The following DNAJC6 variants were observed in gnomAD, a reference collection of about 807,000 sequenced individuals.
DNAJC6 encodes the protein auxilin.
In DNAJC6, 34 loss-of-function variants were observed where a neutral mutation model predicts 110.0. The observed-to-expected ratio is 0.31, with a 90% CI of 0.24 to 0.41. The LOEUF is 0.41. DNAJC6 is among the 10% of genes least tolerant of loss of function. The pLI is 1.00. For missense variants in DNAJC6, 1,031 were observed against 1,207.8 expected (o/e 0.85, Z 2.17); for synonymous variants, 406 against 437.2 (o/e 0.93, Z 0.89).
chr1:65,338,027 C>T (rs1254471194), intron 1 of DNAJC6, among the ~76,000 whole-genome samples: 1 of 151,994 alleles, frequency 6.6e-6, no homozygotes, highest in Non-Finnish European at 1.5e-5. Context: ...TGTTTTCTGC[C>T]CCAATCTTAG....
chr1:65,271,883 A>G (rs1426383946), intron 1 of DNAJC6, among the ~76,000 whole-genome samples: 1 of 152,096 alleles, frequency 6.6e-6, no homozygotes, highest in Non-Finnish European at 1.5e-5. Context: ...AAAAAAAAAA[A>G]AAGAAAGAAA....
chr1:65,279,074 G>GA (rs1653763421), intron 1 of DNAJC6: 1 of 985,248 alleles, frequency 1.0e-6, no homozygotes, highest in Admixed American at 6.2e-5. Flanking sequence ...CATATGCTGA[G>GA]AAAAAGGGAA....
At position 65,309,888 on chromosome 1, in the gene DNAJC6, G is replaced by C. The variant is rs911273317; in HGVS notation, c.143G>C (p.Arg48Pro). 27 of 1,544,184 alleles carry C rather than the reference G, an allele frequency of 1.7e-5. No individual in the cohort carries two copies. The highest frequency in any genetic ancestry group is 2.2e-5 in the Non-Finnish European group (25 of 1,143,838). ...KQRVNAGAAA[R>P]SPARQPPDRA... Reference sequence around the variant, plus strand: ...AGAGTGAACGCCGGGGCAGCGGCGCGGAGTCCCGCCCGACAGCCTCCGGAC... The same window carrying C: ...AGAGTGAACGCCGGGGCAGCGGCGCCGAGTCCCGCCCGACAGCCTCCGGAC... Residue 48 changes from arginine to proline, a missense_variant, in exon 1 of 19, where the codon CGG becomes CCG. Physicochemically the swap from Arg to Pro is moderately radical, Grantham distance 103. Coordinates refer to ENST00000371069, the MANE Select transcript of DNAJC6 (RefSeq NM_001256864.2).
intron 7 of DNAJC6, 124 bp downstream of exon 7, chr1:65,386,030 A>G (rs1645868813): frequency 4.0e-6 from 4 of 1,011,620 alleles, no homozygotes; most frequent in African/African-American, 3.2e-5. Context: ...TATATAAAAA[A>G]TGTTCAACAT....
chr1:65,399,128 G>C (rs528728233), intron 14 of DNAJC6, among the ~76,000 whole-genome samples: 2 of 152,210 alleles, frequency 1.3e-5, no homozygotes, highest in South Asian at 4.1e-4. Context: ...AATAGAATCA[G>C]ACGGATATAA....
intron 1 of DNAJC6, among the ~76,000 whole-genome samples, chr1:65,355,093 C>T (rs1012256012): frequency 2.0e-5 from 3 of 151,740 alleles, no homozygotes; most frequent in African/African-American, 4.8e-5. Flanking sequence ...GGCGAAACCC[C>T]GTTGCTGCAG....
intron 17 of DNAJC6, among the ~76,000 whole-genome samples, chr1:65,409,987 C>T (rs959916129): frequency 1.3e-5 from 2 of 151,924 alleles, no homozygotes; most frequent in Admixed American, 6.6e-5. Context: ...TATGGACAGG[C>T]GGATGCGGAT....
At chr1:65,330,715 T>C (rs1334256468) in intron 1 of DNAJC6, among the ~76,000 whole-genome samples, 1 of 152,136 alleles carries the variant, frequency 6.6e-6, no homozygotes, top group Non-Finnish European at 1.5e-5. Context: ...GATCCGCCAG[T>C]CTCGGCCTCC....
At chr1:65,379,997 A>G (rs1014790546) in intron 5 of DNAJC6, among the ~76,000 whole-genome samples, 2 of 152,188 alleles carry the variant, frequency 1.3e-5, no homozygotes, top group African/African-American at 4.8e-5. Flanking sequence ...TTTTCTGACC[A>G]TTGACTTCCT....
chr1:65,337,508 A>G (rs551525671), intron 1 of DNAJC6, among the ~76,000 whole-genome samples: 1 of 151,924 alleles, frequency 6.6e-6, no homozygotes, highest in South Asian at 2.1e-4. Context: ...TTTTCTCTTC[A>G]TTTTATTATT....
At chr1:65,398,997 T>G in intron 14 of DNAJC6, 116 bp downstream of exon 14, 1 of 1,050,620 alleles carries the variant, frequency 9.5e-7, no homozygotes, top group Non-Finnish European at 1.4e-6. Flanking sequence ...TTGTGTCACT[T>G]TTTCCTAAAG....
intron 17 of DNAJC6, among the ~76,000 whole-genome samples, chr1:65,410,493 A>G (rs1345684765): frequency 1.3e-5 from 2 of 152,176 alleles, no homozygotes; most frequent in African/African-American, 2.4e-5. Flanking sequence ...CATTTAAACC[A>G]TGTTTGATTA....
rs1046860683 is a variant in DNAJC6 at position 65,309,935 on chromosome 1, T to G, written c.190T>G (p.Ser64Ala). The G allele has an allele frequency of 1.4e-6, 2 of 1,474,150 alleles. No homozygotes were observed. The highest frequency in any genetic ancestry group is 2.9e-5 in the African/African-American group (2 of 68,086). The allele number at this position is 1,474,150 out of a possible 1,614,324, so 91.3% of individuals were successfully genotyped here. Residue 64 changes from serine to alanine, a missense_variant, in exon 1 of 19, where the codon TCA becomes GCA. Transcript: ENST00000371069. ...PPDRASTMDSSGASSPDMEPS... is the reference protein window; with the variant it reads ...PPDRASTMDSAGASSPDMEPS... ...GGACCGCGCCAGCACCATGGACAGCTCAGGTAGCGCTGCCCGAGGGGAGTG... is the reference window on the plus strand; with the variant it reads ...GGACCGCGCCAGCACCATGGACAGCGCAGGTAGCGCTGCCCGAGGGGAGTG...
chr1:65,339,677 G>A (rs1038324595), intron 1 of DNAJC6, among the ~76,000 whole-genome samples: 6 of 152,142 alleles, frequency 3.9e-5, no homozygotes, highest in African/African-American at 1.4e-4. Flanking sequence ...CAGGCAATGT[G>A]CATATGCTTA....
intron 4 of DNAJC6, among the ~76,000 whole-genome samples, chr1:65,373,234 T>G (rs1284048130): frequency 6.6e-6 from 1 of 152,186 alleles, no homozygotes; most frequent in African/African-American, 2.4e-5. Context: ...TGATTCCATA[T>G]TTTGGCTATT....
intron 1 of DNAJC6, among the ~76,000 whole-genome samples, chr1:65,339,874 C>G (rs1446415938): frequency 6.6e-6 from 1 of 152,204 alleles, no homozygotes; most frequent in Non-Finnish European, 1.5e-5. Context: ...TTGAATGTTT[C>G]TGTTCCACCA....
At chr1:65,365,991 CG>C in intron 3 of DNAJC6, 56 bp from the exon 4 acceptor site, 1 of 1,612,458 alleles carries the variant, frequency 6.2e-7, no homozygotes, top group South Asian at 1.1e-5. Context: ...TGCTGCCCAT[CG>C]TTATAGCAGA....
chr1:65,365,769 C>T (rs200900546), intron 2 of DNAJC6, 116 bp from the exon 3 acceptor site: 25 of 1,151,162 alleles, frequency 2.2e-5, no homozygotes, highest in Admixed American at 1.5e-4. Context: ...GGAGGGGAGT[C>T]GAAACATGCC....
chr1:65,303,138 T>A (rs1645005151), intron 1 of DNAJC6, among the ~76,000 whole-genome samples: 1 of 152,236 alleles, frequency 6.6e-6, no homozygotes, highest in South Asian at 2.1e-4. Context: ...CAGAGCGATT[T>A]TTTCTGTAAA....
Sources: gnomAD v4.1 joint callset for allele counts (sites outside exome capture counted in the v4.1 genomes callset) on GRCh38, gnomAD v4.1.1 for gene constraint, MANE v1.5 for transcripts, NCBI Gene and HGNC (gene_info 2026-07-23, HGNC 2026-07-21) for gene names.